Variants in CSMD1 observed in about 807,000 individuals in gnomAD.
The protein encoded by CSMD1 is CUB and sushi domain-containing protein 1.
CSMD1 carries 213 observed loss-of-function variants against 417.5 expected under a neutral mutation model. The observed-to-expected ratio is 0.51, with a 90% confidence interval of 0.46 to 0.57. The LOEUF is 0.57. Among genes scored for constraint, CSMD1 ranks in the 20% least tolerant of loss-of-function variants. The probability of loss-of-function intolerance (pLI) is 0.00; values close to 1 mark genes in which losing one functional copy is unlikely to be tolerated. For synonymous variants in CSMD1, 2,862 were observed against 1,736.8 expected, an observed-to-expected ratio of 1.65 and a Z score of -16.11; for missense variants, 6,923 against 4,529.7, an observed-to-expected ratio of 1.53 and a Z score of -15.17.
At chr8:4,909,789 G>A (rs994007342) in intron 1 of CSMD1, among the ~76,000 whole-genome samples, 1 of 152,156 alleles carries the variant, frequency 6.6e-6, no homozygotes, top group Non-Finnish European at 1.5e-5. Context: ...TGTTTTGGTT[G>A]TGACTCTGTG....
intron 1 of CSMD1, among the ~76,000 whole-genome samples, chr8:4,770,361 T>C (rs1195642800): frequency 2.0e-5 from 3 of 148,468 alleles, no homozygotes; most frequent in African/African-American, 4.9e-5. Flanking sequence ...AATTAAGCTA[T>C]TATATATATA....
intron 23 of CSMD1, among the ~76,000 whole-genome samples, chr8:3,328,090 G>T (rs564887196): frequency 3.9e-5 from 6 of 152,290 alleles, no homozygotes; most frequent in African/African-American, 1.4e-4. Flanking sequence ...CACAATGAGG[G>T]CATCCTGCTG....
At chr8:4,149,209 C>G (rs1010268745) in intron 3 of CSMD1, among the ~76,000 whole-genome samples, 1 of 152,112 alleles carries the variant, frequency 6.6e-6, no homozygotes, top group Non-Finnish European at 1.5e-5. Flanking sequence ...GGTGATCCGT[C>G]CACCTCGGCC....
intron 3 of CSMD1, among the ~76,000 whole-genome samples, chr8:4,083,710 A>C (rs1195407933): frequency 6.6e-6 from 1 of 152,190 alleles, no homozygotes; most frequent in Non-Finnish European, 1.5e-5. Context: ...TTAAAGACTT[A>C]AACGTTAGAC....
intron 1 of CSMD1, among the ~76,000 whole-genome samples, chr8:4,877,384 G>GA (rs1406900932): frequency 2.6e-5 from 4 of 151,792 alleles, no homozygotes; most frequent in South Asian, 2.1e-4. Flanking sequence ...AAGAACTACA[G>GA]AAAAAAGGAG....
intron 5 of CSMD1, among the ~76,000 whole-genome samples, chr8:3,881,700 G>C (rs747302964): frequency 1.3e-5 from 2 of 149,372 alleles, no homozygotes; most frequent in Admixed American, 1.3e-4. Flanking sequence ...GAAAAAAAGA[G>C]AAAAGCAGAG....
chr8:3,060,781 A>G (rs1812542723), intron 49 of CSMD1, among the ~76,000 whole-genome samples: 1 of 152,196 alleles, frequency 6.6e-6, no homozygotes, highest in Non-Finnish European at 1.5e-5. Context: ...TGATCAGGTC[A>G]TGAGAGCTCT....
At chr8:4,135,401 AGAG>A (rs1563169253) in intron 3 of CSMD1, among the ~76,000 whole-genome samples, 3 of 37,092 alleles carry the variant, frequency 8.1e-5, no homozygotes, top group African/African-American at 1.3e-4. Context: ...GGAAGGGGAA[AGAG>A]GGAAAGAGGG....
At chr8:4,710,227 T>C (rs1171445966) in intron 1 of CSMD1, among the ~76,000 whole-genome samples, 1 of 151,966 alleles carries the variant, frequency 6.6e-6, no homozygotes, top group Non-Finnish European at 1.5e-5. Context: ...TGTGCTCTTA[T>C]TCAAGGTACT....
chr8:3,995,043 A>G (rs1815096443), intron 5 of CSMD1, among the ~76,000 whole-genome samples: 1 of 152,156 alleles, frequency 6.6e-6, no homozygotes, highest in Admixed American at 6.5e-5. Context: ...TGTCTATGCA[A>G]TTCGGGAATG....
At chr8:3,768,489 T>G (rs1432607453) in intron 5 of CSMD1, among the ~76,000 whole-genome samples, 2 of 152,226 alleles carry the variant, frequency 1.3e-5, no homozygotes, top group Non-Finnish European at 2.9e-5. Flanking sequence ...ATTTCTAGTT[T>G]ATGCCATAAA....
intron 3 of CSMD1, among the ~76,000 whole-genome samples, chr8:4,281,127 G>A (rs1018356528): frequency 3.3e-5 from 5 of 152,188 alleles, no homozygotes; most frequent in African/African-American, 1.2e-4. Context: ...TGGCCCCTAG[G>A]TGGCACTCAG....
At chr8:4,523,428 G>C (rs746760768) in intron 2 of CSMD1, among the ~76,000 whole-genome samples, 1 of 152,032 alleles carries the variant, frequency 6.6e-6, no homozygotes, top group Non-Finnish European at 1.5e-5. Context: ...AAGTACACTG[G>C]TTCAGAAGGT....
chr8:4,458,214 A>G (rs1172584699), intron 2 of CSMD1, among the ~76,000 whole-genome samples: 3 of 152,224 alleles, frequency 2.0e-5, no homozygotes, highest in Non-Finnish European at 4.4e-5. Flanking sequence ...GTAAAGAAAT[A>G]TGGAACTTAT....
intron 1 of CSMD1, among the ~76,000 whole-genome samples, chr8:4,843,034 T>C (rs916432540): frequency 6.6e-6 from 1 of 152,112 alleles, no homozygotes; most frequent in Non-Finnish European, 1.5e-5. Flanking sequence ...ATCAACTGAG[T>C]GAAGTCAAAA....
intron 3 of CSMD1, among the ~76,000 whole-genome samples, chr8:4,189,982 G>C (rs990681330): frequency 6.6e-5 from 10 of 151,920 alleles, no homozygotes; most frequent in Non-Finnish European, 1.5e-4. Flanking sequence ...AGACTCGCCA[G>C]GTGTGGTGGC....
intron 2 of CSMD1, among the ~76,000 whole-genome samples, chr8:4,580,516 C>T (rs1049531683): frequency 3.9e-5 from 6 of 152,268 alleles, no homozygotes; most frequent in African/African-American, 9.6e-5. Context: ...GGTTCTGGCT[C>T]GGGCCGTCGG....
chr8:4,947,733 G>C lies in CSMD1; in HGVS notation c.85+46599C>G, dbSNP rs566602827. On this transcript the variant is annotated intron_variant, in intron 1 of 69. Transcript: ENST00000635120. Reference sequence around the variant, plus strand: ...TTGTCTAAAGTTTGTAGCTGAGTTTGCTTGCTTGATACATTATAAAACTAG... The same window carrying C: ...TTGTCTAAAGTTTGTAGCTGAGTTTCCTTGCTTGATACATTATAAAACTAG... 1.6e-4 allele frequency among the ~76,000 whole-genome samples: 25 copies of C among 152,114 alleles called. 1 individual carries two copies. The South Asian group carries it at 5.0e-3, about 30-fold the overall frequency.
chr8:3,851,661 G>C (rs760806882), intron 5 of CSMD1, among the ~76,000 whole-genome samples: 2 of 152,008 alleles, frequency 1.3e-5, no homozygotes, highest in Non-Finnish European at 2.9e-5. Context: ...TAGACAATAA[G>C]AAACAAAGAA....
Sources: allele counts gnomAD v4.1 joint callset (sites outside exome capture counted in the v4.1 genomes callset), GRCh38; gene constraint gnomAD v4.1.1; transcripts MANE v1.5; gene names NCBI Gene and HGNC (gene_info 2026-07-23, HGNC 2026-07-21).